The following RBFOX1 variants were observed in gnomAD, a reference collection of about 807,000 sequenced individuals.
The protein encoded by RBFOX1 is RNA binding protein fox-1 homolog 1.
RBFOX1 carries 8 observed loss-of-function variants against 57.7 expected under a neutral mutation model. The observed-to-expected ratio is 0.14, with a 90% CI of 0.08 to 0.25. The LOEUF (loss-of-function observed/expected upper bound fraction) is 0.25. Ranked by LOEUF, RBFOX1 falls within the 10% of genes least tolerant of loss-of-function variation. RBFOX1 has a pLI of 1.00. For missense variants in RBFOX1, 611 were observed against 548.5 expected, an observed-to-expected ratio of 1.11 and a Z score of -1.14; for synonymous variants, 326 against 222.4, an observed-to-expected ratio of 1.47 and a Z score of -4.15.
chr16:7,258,713 C>G (rs1302589281), intron 4 of RBFOX1, among the ~76,000 whole-genome samples: 1 of 152,070 alleles, frequency 6.6e-6, no homozygotes, highest in Non-Finnish European at 1.5e-5. Context: ...TCTATTAGAG[C>G]CATTTAATCT....
chr16:5,294,751 C>T (rs537344145), intron 1 of RBFOX1, among the ~76,000 whole-genome samples: 15 of 152,162 alleles, frequency 9.9e-5, no homozygotes, highest in African/African-American at 3.6e-4. Context: ...AAAAGACAGG[C>T]CAGGTGCAGT....
Position 6,871,955 on chromosome 16 carries a change from GTGTGTGTT to G in RBFOX1, c.-15-180100_-15-180093del, listed in dbSNP as rs1567653879. 2.2e-5 allele frequency among the ~76,000 whole-genome samples: 3 copies of G among 139,490 alleles called. No individual in the cohort carries two copies. The South Asian group carries it at 6.8e-4, about 32-fold the overall frequency. The allele number at this position is 139,490 out of a possible 152,430, so 91.5% of individuals were successfully genotyped here. A position where few individuals can be genotyped will look rare whatever the true frequency, so the allele number is the denominator to read the frequency against. On this transcript the variant is annotated intron_variant, in intron 3 of 15. Transcript: ENST00000550418. ...TGTGTGTGTGTGTGTGTGTGTGTGT[GTGTGTGTT>G]TCCCTCGGTAGAGTATGGGGATCTC... is the stretch of plus-strand genomic sequence containing the variant.
At chr16:7,500,415 G>A (rs2070350386) in intron 4 of RBFOX1, among the ~76,000 whole-genome samples, 1 of 152,156 alleles carries the variant, frequency 6.6e-6, no homozygotes, top group South Asian at 2.1e-4. Flanking sequence ...GAGAGGTCTA[G>A]CCACTTTGTG....
intron 4 of RBFOX1, among the ~76,000 whole-genome samples, chr16:7,515,534 C>T (rs1000127903): frequency 6.6e-6 from 1 of 151,916 alleles, no homozygotes; most frequent in East Asian, 1.9e-4. Context: ...GATGGATATG[C>T]TAATTACCTG....
At chr16:5,992,807 G>A (rs1176653173) in intron 4 of RBFOX1, among the ~76,000 whole-genome samples, 1 of 152,172 alleles carries the variant, frequency 6.6e-6, no homozygotes, top group Non-Finnish European at 1.5e-5. Context: ...GGTGGCAGGT[G>A]CCTGTAATCC....
chr16:6,784,887 C>T (rs1277798110), intron 3 of RBFOX1, among the ~76,000 whole-genome samples: 1 of 151,998 alleles, frequency 6.6e-6, no homozygotes, highest in Admixed American at 6.6e-5. Flanking sequence ...TGAAGGTCGG[C>T]TGGAGTTATT....
At chr16:7,364,030 G>A (rs1389511988) in intron 4 of RBFOX1, among the ~76,000 whole-genome samples, 1 of 152,172 alleles carries the variant, frequency 6.6e-6, no homozygotes, top group Non-Finnish European at 1.5e-5. Flanking sequence ...AGGTGCGATG[G>A]AAAAGTAGAA....
chr16:6,009,816 C>CGTGTG lies in RBFOX1; in HGVS notation c.351+142481_351+142482insGTGTG, dbSNP rs1555469440. The stretch of plus-strand genomic sequence containing the variant: ...GCAGTGTGTGTATGTGTGTGTGTGT[C>CGTGTG]TGTGTGTGTGTGTGTGTGTATAGGG... On this transcript the variant is annotated intron_variant, in intron 4 of 19. Coordinates refer to the RBFOX1 transcript ENST00000641259. Among the ~76,000 whole-genome samples, 7 of 148,532 alleles carry CGTGTG rather than the reference C, an allele frequency of 4.7e-5. No homozygotes were observed. In the Middle Eastern group the frequency reaches 0.014, roughly 291 times the overall value.
At chr16:5,268,219 T>C (rs1262376341) in intron 1 of RBFOX1, among the ~76,000 whole-genome samples, 2 of 152,222 alleles carry the variant, frequency 1.3e-5, no homozygotes, top group African/African-American at 4.8e-5. Flanking sequence ...GAACACTTTT[T>C]TCTTTACCCA....
intron 1 of RBFOX1, among the ~76,000 whole-genome samples, chr16:6,147,404 C>G (rs2096766669): frequency 1.3e-5 from 2 of 152,164 alleles, no homozygotes; most frequent in South Asian, 4.1e-4. Flanking sequence ...CGGGAGCATT[C>G]CAGGGTCCCT....
intron 4 of RBFOX1, among the ~76,000 whole-genome samples, chr16:7,220,271 G>A (rs764921953): frequency 6.6e-6 from 1 of 152,148 alleles, no homozygotes; most frequent in African/African-American, 2.4e-5. Context: ...TGGGCGTCTG[G>A]TCCTGCCCAT....
intron 1 of RBFOX1, among the ~76,000 whole-genome samples, chr16:5,307,828 C>T (rs1451039399): frequency 6.6e-6 from 1 of 152,152 alleles, no homozygotes; most frequent in Non-Finnish European, 1.5e-5. Flanking sequence ...CATGCACCAC[C>T]ATGCCCAGGT....
At chr16:5,869,141 C>G (rs1273482102) in intron 4 of RBFOX1, among the ~76,000 whole-genome samples, 1 of 152,046 alleles carries the variant, frequency 6.6e-6, no homozygotes, top group Non-Finnish European at 1.5e-5. Flanking sequence ...ATGTAACCCA[C>G]CCAGATTATG....
intron 3 of RBFOX1, among the ~76,000 whole-genome samples, chr16:6,904,155 A>T (rs993602324): frequency 6.6e-6 from 1 of 152,210 alleles, no homozygotes; most frequent in African/African-American, 2.4e-5. Flanking sequence ...TAAAGGAGAA[A>T]TGAAAGCTCT....
At chr16:7,466,149 C>G (rs2060478421) in intron 4 of RBFOX1, among the ~76,000 whole-genome samples, 1 of 152,116 alleles carries the variant, frequency 6.6e-6, no homozygotes, top group African/African-American at 2.4e-5. Flanking sequence ...CCATCTGGGT[C>G]AGCAATAGGA....
intron 4 of RBFOX1, among the ~76,000 whole-genome samples, chr16:7,267,487 G>A (rs2095190756): frequency 6.6e-6 from 1 of 152,072 alleles, no homozygotes; most frequent in South Asian, 2.1e-4. Flanking sequence ...AGCGAGCCAA[G>A]GTTGCACTAC....
At chr16:6,142,835 C>A (rs929684580) in intron 1 of RBFOX1, among the ~76,000 whole-genome samples, 2 of 152,126 alleles carry the variant, frequency 1.3e-5, no homozygotes, top group Non-Finnish European at 2.9e-5. Flanking sequence ...GTTTGTAGAT[C>A]GTCTCTGTCA....
intron 3 of RBFOX1, among the ~76,000 whole-genome samples, chr16:6,713,550 G>T (rs1603451279): frequency 6.6e-6 from 1 of 152,048 alleles, no homozygotes; most frequent in East Asian, 1.9e-4. Flanking sequence ...CTCCCCAGTT[G>T]AGACAACCAC....
chr16:5,438,301 A>C (rs759238157), intron 1 of RBFOX1, among the ~76,000 whole-genome samples: 1 of 152,222 alleles, frequency 6.6e-6, no homozygotes, highest in Non-Finnish European at 1.5e-5. Flanking sequence ...TAGGCAGTCA[A>C]GTCACAGGTA....
Sources: allele counts gnomAD v4.1 joint callset (sites outside exome capture counted in the v4.1 genomes callset), GRCh38; gene constraint gnomAD v4.1.1; transcripts MANE v1.5; gene names NCBI Gene and HGNC (gene_info 2026-07-23, HGNC 2026-07-21).